The following RALYL variants were observed in gnomAD, a reference collection of about 807,000 sequenced individuals.
RALYL encodes RNA-binding Raly-like protein.
RALYL carries 29 observed loss-of-function variants against 35.1 expected under a neutral mutation model. That is an observed-to-expected ratio of 0.83 (90% CI 0.61 to 1.13). RALYL has a LOEUF of 1.13. Among genes scored for constraint, RALYL ranks in the 50% most tolerant of loss-of-function variants. The pLI, the probability that RALYL is intolerant of heterozygous loss-of-function variation, is 0.00. For synonymous variants in RALYL, 120 were observed against 127.6 expected (o/e 0.94, Z 0.40); for missense variants, 359 against 360.4 (o/e 1.00, Z 0.03).
At chr8:84,779,127 T>C (rs1044433785) in intron 3 of RALYL, among the ~76,000 whole-genome samples, 1 of 152,186 alleles carries the variant, frequency 6.6e-6, no homozygotes, top group Non-Finnish European at 1.5e-5. Flanking sequence ...AGGGAAAACA[T>C]TGTAACTTTT....
chr8:84,500,608 G>GA (rs1206615304), intron 1 of RALYL, among the ~76,000 whole-genome samples: 4 of 152,022 alleles, frequency 2.6e-5, no homozygotes, highest in African/African-American at 9.7e-5. Context: ...ATATTTGTAG[G>GA]AAAAAACTGC....
intron 6 of RALYL, among the ~76,000 whole-genome samples, chr8:84,872,299 G>C (rs1412842112): frequency 6.6e-6 from 1 of 152,118 alleles, no homozygotes; most frequent in African/African-American, 2.4e-5. Context: ...GTGTCACTGA[G>C]AATCCCCATT....
chr8:84,609,125 G>A (rs1588483479), intron 2 of RALYL, among the ~76,000 whole-genome samples: 2 of 151,998 alleles, frequency 1.3e-5, no homozygotes, highest in Admixed American at 6.6e-5. Context: ...TCTGAAAAAC[G>A]TTCACCTTTG....
chr8:84,859,452 G>A (rs1346326660), intron 5 of RALYL, among the ~76,000 whole-genome samples: 1 of 152,042 alleles, frequency 6.6e-6, no homozygotes, highest in Non-Finnish European at 1.5e-5. Context: ...TCCCAATTTT[G>A]TTTTGTGAAT....
intron 1 of RALYL, among the ~76,000 whole-genome samples, chr8:84,368,493 C>T (rs1380285875): frequency 1.3e-5 from 2 of 152,118 alleles, no homozygotes; most frequent in African/African-American, 4.8e-5. Flanking sequence ...TTTCAGGCTG[C>T]TGATAAAGAT....
chr8:84,313,085 T>A (rs1459865565), intron 1 of RALYL, among the ~76,000 whole-genome samples: 1 of 152,164 alleles, frequency 6.6e-6, no homozygotes, highest in Non-Finnish European at 1.5e-5. Flanking sequence ...CAACATCACA[T>A]GGAAACCACC....
chr8:84,597,719 T>G (rs1350214119), intron 2 of RALYL, among the ~76,000 whole-genome samples: 1 of 152,118 alleles, frequency 6.6e-6, no homozygotes, highest in African/African-American at 2.4e-5. Context: ...TTGTGACACA[T>G]CAAAATGACA....
intron 2 of RALYL, among the ~76,000 whole-genome samples, chr8:84,595,431 A>T (rs193211239): frequency 6.6e-6 from 1 of 152,272 alleles, no homozygotes; most frequent in Admixed American, 6.5e-5. Context: ...TAAATGACTG[A>T]TGTACAATGA....
chr8:84,302,647 A>G (rs962518443), intron 1 of RALYL, among the ~76,000 whole-genome samples: 4 of 152,196 alleles, frequency 2.6e-5, no homozygotes, highest in Non-Finnish European at 5.9e-5. Context: ...TTTACGGGTT[A>G]TATGTAGTAG....
intron 2 of RALYL, among the ~76,000 whole-genome samples, chr8:84,573,501 A>G (rs1363473129): frequency 6.6e-6 from 1 of 151,860 alleles, no homozygotes; most frequent in Admixed American, 6.6e-5. Flanking sequence ...CTGGTATTCA[A>G]CAATTTCATT....
At chr8:84,510,422 A>G (rs186798650) in intron 1 of RALYL, among the ~76,000 whole-genome samples, 1 of 152,234 alleles carries the variant, frequency 6.6e-6, no homozygotes, top group Non-Finnish European at 1.5e-5. Context: ...AGTGTCTAAA[A>G]CCCTGGAGTA....
intron 2 of RALYL, among the ~76,000 whole-genome samples, chr8:84,708,887 G>A (rs1292746756): frequency 1.3e-5 from 2 of 152,130 alleles, no homozygotes; most frequent in African/African-American, 4.8e-5. Context: ...AGAAGCCATA[G>A]GATTTTGAAA....
At chr8:84,287,137 AT>A (rs1219814250) in intron 1 of RALYL, among the ~76,000 whole-genome samples, 1 of 152,068 alleles carries the variant, frequency 6.6e-6, no homozygotes, top group Non-Finnish European at 1.5e-5. Context: ...TCAAGATTTT[AT>A]TTTATTTTAT....
At chr8:84,600,590 C>T (rs1309605542) in intron 2 of RALYL, among the ~76,000 whole-genome samples, 7 of 152,106 alleles carry the variant, frequency 4.6e-5, no homozygotes, top group Non-Finnish European at 8.8e-5. Context: ...CATTTGCTTT[C>T]CTTCTAGATC....
chr8:84,891,779 C>G (rs752084467), intron 8 of RALYL, among the ~76,000 whole-genome samples: 1 of 152,200 alleles, frequency 6.6e-6, no homozygotes, highest in African/African-American at 2.4e-5. Flanking sequence ...TCACTGTTAT[C>G]TCCTTTCCAG....
intron 1 of RALYL, among the ~76,000 whole-genome samples, chr8:84,367,332 T>TTTTG (rs1563800129): frequency 6.6e-4 from 17 of 25,944 alleles, no homozygotes; most frequent in Non-Finnish European, 9.8e-4. Context: ...TTTTTTTTTT[T>TTTTG]TTTTTTTTTT....
In RALYL at chr8:84,605,983, AAACAGCCACACACTTGG is replaced by A. The variant is rs1462570471; in HGVS notation, c.256+76407_256+76423del. On this transcript the variant is annotated intron_variant, in intron 2 of 8. Coordinates refer to ENST00000521268, the MANE Select transcript of RALYL (RefSeq NM_173848.7). The stretch of plus-strand genomic sequence containing the variant: ...ATTAATCTGCACACATTCCCTGTAC[AAACAGCCACACACTTGG>A]GTCCATTCTGCGAGCCCCTGGGCCC... Among the ~76,000 whole-genome samples the A allele has an allele frequency of 5.3e-5, 8 of 152,234 alleles. No homozygotes were observed. The South Asian group carries it at 1.7e-3, about 32-fold the overall frequency.
intron 4 of RALYL, among the ~76,000 whole-genome samples, chr8:84,820,931 T>A (rs182096827): frequency 3.8e-4 from 58 of 152,326 alleles, no homozygotes; most frequent in South Asian, 2.5e-3. Context: ...AGAGTTGTTA[T>A]TGTTTCAATT....
At chr8:84,734,403 A>T (rs1418679847) in intron 2 of RALYL, among the ~76,000 whole-genome samples, 3 of 152,126 alleles carry the variant, frequency 2.0e-5, no homozygotes, top group Non-Finnish European at 4.4e-5. Context: ...TTTTTCTTAA[A>T]TTTTTAAGGT....
Sources: gnomAD v4.1 joint callset for allele counts (sites outside exome capture counted in the v4.1 genomes callset) on GRCh38, gnomAD v4.1.1 for gene constraint, MANE v1.5 for transcripts, NCBI Gene and HGNC (gene_info 2026-07-23, HGNC 2026-07-21) for gene names.